The following AGBL1 variants were observed in gnomAD, a reference collection of about 807,000 sequenced individuals.
AGBL1 encodes AGBL carboxypeptidase 1, also known as cytosolic carboxypeptidase 4.
A neutral mutation model predicts 118.9 loss-of-function variants in AGBL1; 130 were observed. The observed-to-expected ratio is 1.09, with a 90% CI of 0.95 to 1.26. The LOEUF is 1.26. AGBL1 is among the 50% of genes most tolerant of loss of function. AGBL1 has a pLI of 0.00. For missense variants in AGBL1, 1,584 were observed against 1,298.1 expected (o/e 1.22, Z -3.38); for synonymous variants, 555 against 478.9 (o/e 1.16, Z -2.08).
At chr15:86,649,939 A>G (rs2085342868) in intron 21 of AGBL1, among the ~76,000 whole-genome samples, 1 of 152,226 alleles carries the variant, frequency 6.6e-6, no homozygotes, top group African/African-American at 2.4e-5. Context: ...TCACTCACCA[A>G]TCAATTTAAC....
intron 7 of AGBL1, among the ~76,000 whole-genome samples, chr15:86,256,375 C>A (rs1237151028): frequency 1.3e-5 from 2 of 152,234 alleles, no homozygotes; most frequent in East Asian, 3.8e-4. Flanking sequence ...CATATTTTAT[C>A]TTTTTTAAAA....
At chr15:86,997,227 C>T (rs2081388389) in intron 24 of AGBL1, among the ~76,000 whole-genome samples, 2 of 152,072 alleles carry the variant, frequency 1.3e-5, no homozygotes, top group Non-Finnish European at 2.9e-5. Context: ...GCATGCCGGT[C>T]TCTTATTTCC....
At chr15:86,148,412 C>T (rs1372666931) in intron 3 of AGBL1, among the ~76,000 whole-genome samples, 1 of 152,076 alleles carries the variant, frequency 6.6e-6, no homozygotes, top group Non-Finnish European at 1.5e-5. Context: ...CTAGAATAAA[C>T]AGTGTGGAGG....
chr15:86,275,777 A>G (rs1189768105), intron 15 of AGBL1, among the ~76,000 whole-genome samples: 2 of 152,222 alleles, frequency 1.3e-5, no homozygotes. Flanking sequence ...GGATCCAGCT[A>G]ATCTTCAAGA....
intron 5 of AGBL1, among the ~76,000 whole-genome samples, chr15:86,168,419 C>G (rs1011617789): frequency 3.3e-5 from 5 of 152,052 alleles, no homozygotes; most frequent in African/African-American, 1.2e-4. Context: ...TGATATGTAT[C>G]AAGACAAAAA....
intron 17 of AGBL1, chr15:86,299,820 G>A (rs187272837): frequency 6.6e-6 from 1 of 152,190 alleles, no homozygotes; most frequent in African/African-American, 2.4e-5. Flanking sequence ...ATATGTCGGT[G>A]GGTGGTGTGG....
In AGBL1 at chr15:86,159,039, A is replaced by C; in HGVS notation, c.488+13A>C. On this transcript the variant is annotated intron_variant, in intron 5 of 22. Coordinates refer to ENST00000614907, the MANE Select transcript of AGBL1 (RefSeq NM_001386094.1). ...CCCAAGCAATCAGGTACAGAGTGCC[A>C]TGTAATACTTCTGCCCCTTTTGTAA... The C allele has an allele frequency of 6.2e-7, 1 of 1,610,422 alleles. No individual in the cohort carries two copies. The highest frequency in any genetic ancestry group is 8.5e-7 in the Non-Finnish European group (1 of 1,176,798).
chr15:86,834,226 C>G (rs1475025706), intron 22 of AGBL1, among the ~76,000 whole-genome samples: 1 of 151,930 alleles, frequency 6.6e-6, no homozygotes. Flanking sequence ...CACGGTATCC[C>G]AATAATAGAT....
chr15:86,403,226 C>T (rs963882256), intron 18 of AGBL1, among the ~76,000 whole-genome samples: 1 of 152,030 alleles, frequency 6.6e-6, no homozygotes, highest in Non-Finnish European at 1.5e-5. Context: ...GTGGTAGTAA[C>T]AAAATAATTT....
rs1399929667 is a variant in AGBL1 at position 86,560,938 on chromosome 15, CTTT to C, written c.2994+6403_2994+6405del. ...TGTCTGTTGGCGGCATAAATGTCTT[CTTT>C]TGAGAAGTGTCTGTTCATATCATTT... On this transcript the variant is annotated intron_variant, in intron 21 of 22. Coordinates refer to ENST00000614907, the MANE Select transcript of AGBL1 (RefSeq NM_001386094.1). 1.6e-4 allele frequency among the ~76,000 whole-genome samples: 24 copies of C among 152,198 alleles called. 1 individual carries two copies. The highest frequency in any genetic ancestry group is 5.8e-4 in the African/African-American group (24 of 41,448).
At chr15:86,524,854 G>C (rs1364503551) in intron 19 of AGBL1, among the ~76,000 whole-genome samples, 1 of 152,144 alleles carries the variant, frequency 6.6e-6, no homozygotes, top group African/African-American at 2.4e-5. Flanking sequence ...AGAGAACAAA[G>C]TGGATTCTTT....
At chr15:86,134,495 T>G (rs556473905) in intron 1 of AGBL1, among the ~76,000 whole-genome samples, 1 of 152,228 alleles carries the variant, frequency 6.6e-6, no homozygotes, top group East Asian at 1.9e-4. Context: ...ATGGACTGTT[T>G]TTTTCCCAGT....
At chr15:86,945,115 G>A (rs2080802326) in intron 23 of AGBL1, among the ~76,000 whole-genome samples, 1 of 151,880 alleles carries the variant, frequency 6.6e-6, no homozygotes, top group Non-Finnish European at 1.5e-5. Flanking sequence ...GTGTGCTGGT[G>A]CACACTGTAG....
chr15:86,289,347 C>A (rs1447458917), intron 16 of AGBL1, among the ~76,000 whole-genome samples: 1 of 151,838 alleles, frequency 6.6e-6, no homozygotes, highest in Non-Finnish European at 1.5e-5. Context: ...TTTTTTCATC[C>A]TCAGGGTTTA....
At chr15:86,497,302 G>C (rs988775600) in intron 18 of AGBL1, among the ~76,000 whole-genome samples, 4 of 151,876 alleles carry the variant, frequency 2.6e-5, no homozygotes, top group Non-Finnish European at 4.4e-5. Context: ...CCTCATGTCT[G>C]AAAATGTCTT....
At chr15:86,269,089 C>A (rs2079116904) in intron 13 of AGBL1, among the ~76,000 whole-genome samples, 1 of 152,062 alleles carries the variant, frequency 6.6e-6, no homozygotes, top group Non-Finnish European at 1.5e-5. Context: ...CTGAGGGCCT[C>A]CTGGGGTGCT....
intron 22 of AGBL1, among the ~76,000 whole-genome samples, chr15:86,870,454 CAAAAAAAAAAAAAAAAAAAAAA>C (rs770556494): frequency 0.075 from 4,794 of 64,240 alleles, 247 homozygotes; most frequent in East Asian, 0.25. Context: ...AAGCATACTG[CAAAAAAAAAAAAAAAAAAAAAA>C]AAAAAAAAAA....
Position 86,322,004 on chromosome 15 carries a change from G to A in AGBL1, c.2374+26596G>A, listed in dbSNP as rs142473052. On this transcript the variant is annotated intron_variant, in intron 17 of 22. Coordinates refer to ENST00000614907, the MANE Select transcript of AGBL1 (RefSeq NM_001386094.1). ...TGATTGTAAATTAATTTTATTGTAAGCAGAGAATGTTATCTGCCTGTTACC... is the reference window on the plus strand; with the variant it reads ...TGATTGTAAATTAATTTTATTGTAAACAGAGAATGTTATCTGCCTGTTACC... 4.1e-3 allele frequency among the ~76,000 whole-genome samples: 625 copies of A among 151,544 alleles called. 6 individuals are homozygous for A. Among genetic ancestry groups the A allele is most frequent in the African/African-American group, 0.014 (584 of 41,270 alleles).
intron 22 of AGBL1, among the ~76,000 whole-genome samples, chr15:86,809,236 G>T (rs980654086): frequency 4.6e-5 from 7 of 152,090 alleles, no homozygotes; most frequent in Non-Finnish European, 1.5e-5. Context: ...AATAATTTCT[G>T]TAGCTCTTCT....
Sources: allele counts gnomAD v4.1 joint callset (sites outside exome capture counted in the v4.1 genomes callset), GRCh38; gene constraint gnomAD v4.1.1; transcripts MANE v1.5; gene names NCBI Gene and HGNC (gene_info 2026-07-23, HGNC 2026-07-21).